Variants in PARVG observed in about 807,000 individuals in gnomAD.
PARVG encodes the protein gamma-parvin.
Under a neutral mutation model 44.4 loss-of-function variants are expected in PARVG, and 36 were observed. The observed-to-expected ratio is 0.81, with a 90% CI of 0.62 to 1.07. The LOEUF (loss-of-function observed/expected upper bound fraction) is 1.07. Ranked by LOEUF, PARVG falls within the 50% of genes least tolerant of loss-of-function variation. PARVG has a pLI of 0.00. For missense variants in PARVG, 407 were observed against 407.4 expected (o/e 1.00, Z 0.01); for synonymous variants, 170 against 174.1 (o/e 0.98, Z 0.19).
Position 44,189,127 on chromosome 22 carries a change from G to T in PARVG, c.261G>T (p.Ala87=), listed in dbSNP as rs761747280. ...TCCTGCCTCCAGAGAGGCTGGCGGCGCTCAAGCTGGAAGCAGAGGACATCG... is the reference window on the plus strand; with the variant it reads ...TCCTGCCTCCAGAGAGGCTGGCGGCTCTCAAGCTGGAAGCAGAGGACATCG... The part of the protein sequence containing the change: ...ILHHLFQRLA[A]LKLEAEDIAL... The change falls in exon 6 of 14, where the codon GCG becomes GCT. Residue 87 remains alanine (A), a synonymous_variant. Coordinates refer to ENST00000444313, the MANE Select transcript of PARVG (RefSeq NM_022141.7). 6.2e-7 allele frequency: 1 copy of T among 1,613,688 alleles called. No homozygotes were observed. The highest frequency in any genetic ancestry group is 1.3e-5 in the African/African-American group (1 of 75,058).
At chr22:44,186,737 C>G in intron 4 of PARVG, 1 of 454,180 alleles carries the variant, frequency 2.2e-6, no homozygotes. Context: ...GAGGTTATCC[C>G]AGGGGTCATG....
rs865946218 is a variant in PARVG at position 44,198,957 on chromosome 22, T to C, written c.813+235T>C. 6.1e-4 allele frequency among the ~76,000 whole-genome samples: 42 copies of C among 69,310 alleles called. 2 individuals are homozygous for C. The highest frequency in any genetic ancestry group is 9.1e-4 in the African/African-American group (16 of 17,572). 45.5% of individuals were successfully genotyped at this position (69,310 alleles called of 152,430 possible). ...ATCCATCCACCCACCCATCCATCCA[T>C]CCATCCATCCATCCATCCATCCATC... On this transcript the variant is annotated intron_variant, in intron 12 of 13. Transcript: ENST00000444313.
At chr22:44,181,505 G>A in intron 1 of PARVG, 1 of 694,228 alleles carries the variant, frequency 1.4e-6, no homozygotes, top group Non-Finnish European at 1.8e-6. Flanking sequence ...TGCGGGGGTC[G>A]ACCCCAGGCT....
In PARVG at chr22:44,206,509, G is replaced by A. The variant is rs963731982; in HGVS notation, c.*83G>A. On this transcript the variant is annotated 3_prime_UTR_variant, in exon 14 of 14. Transcript: ENST00000444313. ...CTGCAGGGTGTCCTCCCACAGTCCC[G>A]CTGTTTCCTGTGCATTCGTGACCCG... 1.3e-5 allele frequency: 16 copies of A among 1,240,780 alleles called. No individual in the cohort carries two copies. The highest frequency in any genetic ancestry group is 4.7e-5 in the East Asian group (2 of 42,570). 76.9% of individuals were successfully genotyped at this position (1,240,780 alleles called of 1,614,324 possible). A position where few individuals can be genotyped will look rare whatever the true frequency, so the allele number is the denominator to read the frequency against.
At chr22:44,185,685 G>A in intron 3 of PARVG, 123 bp from the exon 4 acceptor site, 2 of 731,452 alleles carry the variant, frequency 2.7e-6, no homozygotes, top group Non-Finnish European at 4.6e-6. Context: ...GCACGCTGGG[G>A]CGGAAGTGGC....
At position 44,190,584 on chromosome 22, in the gene PARVG, AC is replaced by A; in HGVS notation, c.424del (p.Leu142SerfsTer33). 1 of 1,613,964 alleles carries A rather than the reference AC, an allele frequency of 6.2e-7. No homozygotes were observed. The highest frequency in any genetic ancestry group is 8.5e-7 in the Non-Finnish European group (1 of 1,179,988). On this transcript the variant is annotated frameshift_variant, in exon 7 of 14. Coordinates refer to ENST00000444313, the MANE Select transcript of PARVG (RefSeq NM_022141.7). LOFTEE classifies it high-confidence loss of function. ...IFNKDLLSTL[H>X]LLVALAKRFQ... Reference sequence around the variant, plus strand: ...AACAAGGACCTGTTGTCTACCCTGCACCTCCTTGTGGCCCTGGCCAAGCGCT... The same window carrying A: ...AACAAGGACCTGTTGTCTACCCTGCACTCCTTGTGGCCCTGGCCAAGCGCT...
chr22:44,181,933 G>C lies in PARVG; in HGVS notation c.-13+16G>C, dbSNP rs1174781639. Reference sequence around the variant, plus strand: ...AAGCGGTTGGGTGAGTTCTGGCATCGGGGCCACCATACTTGAGTGTTGGGG... The same window carrying C: ...AAGCGGTTGGGTGAGTTCTGGCATCCGGGCCACCATACTTGAGTGTTGGGG... On this transcript the variant is annotated intron_variant, in intron 2 of 13. Transcript: ENST00000444313. 5.1e-6 allele frequency: 5 copies of C among 985,462 alleles called. No individual in the cohort carries two copies. The South Asian group carries it at 1.4e-4, about 28-fold the overall frequency. The allele number at this position is 985,462 out of a possible 1,614,324, so 61.0% of individuals were successfully genotyped here.
At chr22:44,193,753 G>C (rs200539752) in intron 8 of PARVG, 48 bp from the exon 9 acceptor site, 1 of 1,605,014 alleles carries the variant, frequency 6.2e-7, no homozygotes, top group East Asian at 2.2e-5. Context: ...AGGTTTGCGG[G>C]GTGTTTTTTT....
chr22:44,177,463 G>T (rs1452128054), upstream of PARVG, among the ~76,000 whole-genome samples: 2 of 152,286 alleles, frequency 1.3e-5, no homozygotes, highest in Admixed American at 6.5e-5. Flanking sequence ...GGCAGGACAA[G>T]GCATTGAATG....
chr22:44,199,847 G>A (rs2054681580), intron 12 of PARVG, among the ~76,000 whole-genome samples: 1 of 152,184 alleles, frequency 6.6e-6, no homozygotes, highest in Non-Finnish European at 1.5e-5. Context: ...ACTCTGGCTA[G>A]AGGGGCTGGA....
At chr22:44,194,801 C>A (rs984820068) in intron 9 of PARVG, among the ~76,000 whole-genome samples, 1 of 151,764 alleles carries the variant, frequency 6.6e-6, no homozygotes, top group African/African-American at 2.4e-5. Flanking sequence ...ATCCATCCAT[C>A]CATACACCCA....
At chr22:44,175,293 G>A (rs2054308594) in intron 1 of PARVG, among the ~76,000 whole-genome samples, 1 of 152,210 alleles carries the variant, frequency 6.6e-6, no homozygotes, top group Non-Finnish European at 1.5e-5. Flanking sequence ...GCCAGTCTCT[G>A]GGGGAACTGA....
upstream of PARVG, among the ~76,000 whole-genome samples, chr22:44,180,642 C>T (rs1485309218): frequency 6.6e-6 from 1 of 152,176 alleles, no homozygotes; most frequent in African/African-American, 2.4e-5. Context: ...GATGATTGTA[C>T]CTACCTCACA....
At chr22:44,201,348 C>T (rs960341400) in intron 12 of PARVG, among the ~76,000 whole-genome samples, 1 of 152,162 alleles carries the variant, frequency 6.6e-6, no homozygotes, top group Non-Finnish European at 1.5e-5. Flanking sequence ...GCCCAGGGCC[C>T]GAGAGGCTTA....
chr22:44,177,227 G>GAT (rs2054327389), upstream of PARVG, among the ~76,000 whole-genome samples: 1 of 152,058 alleles, frequency 6.6e-6, no homozygotes, highest in Admixed American at 6.6e-5. Flanking sequence ...TTTACCTGGT[G>GAT]ATATATATAT....
chr22:44,183,251 A>G, intron 2 of PARVG, 67 bp from the exon 3 acceptor site: 1 of 1,443,980 alleles, frequency 6.9e-7, no homozygotes, highest in South Asian at 1.3e-5. Flanking sequence ...GGTCTAGAGA[A>G]AATGAGGGGC....
chr22:44,178,014 C>T (rs2054335193), upstream of PARVG, among the ~76,000 whole-genome samples: 1 of 152,196 alleles, frequency 6.6e-6, no homozygotes. Context: ...GAAGCCTCCA[C>T]AAAACACAGG....
rs2054396256 is a variant in PARVG, at chr22:44,182,413, G to A, written c.-13+496G>A. 6.6e-6 allele frequency among the ~76,000 whole-genome samples: 1 copy of A among 152,148 alleles called. No homozygotes were observed. The highest frequency in any genetic ancestry group is 1.5e-5 in the Non-Finnish European group (1 of 68,030). On this transcript the variant is annotated intron_variant, in intron 2 of 13. Coordinates refer to ENST00000444313, the MANE Select transcript of PARVG (RefSeq NM_022141.7). This position sits in a 1 kb window ranked among gnomAD's most constrained non-coding sequence, Gnocchi z 4.6. ...CTCAGCTTGGATATTAAGGGGCTGG[G>A]AGTCAGTTGTGTCCCCACCACCTCC...
intron 12 of PARVG, among the ~76,000 whole-genome samples, chr22:44,199,299 A>G (rs1283400365): frequency 1.3e-5 from 2 of 151,590 alleles, no homozygotes; most frequent in Admixed American, 6.6e-5. Context: ...TCATCCATCC[A>G]CTTGCCTACC....
Sources: gnomAD v4.1 joint callset for allele counts (sites outside exome capture counted in the v4.1 genomes callset) on GRCh38, gnomAD v4.1.1 for gene constraint, Gnocchi (gnomAD v3.1) non-coding constraint, MANE v1.5 for transcripts, NCBI Gene and HGNC (gene_info 2026-07-23, HGNC 2026-07-21) for gene names.